The following DPP6 variants were observed in gnomAD, a reference collection of about 807,000 sequenced individuals.
DPP6 encodes the protein dipeptidyl peptidase like 6.
A neutral mutation model predicts 122.6 loss-of-function variants in DPP6; 69 were observed. The observed-to-expected ratio is 0.56, with a 90% CI of 0.46 to 0.69. The LOEUF is 0.69. DPP6 is among the 30% of genes least tolerant of loss of function. The probability of loss-of-function intolerance (pLI) is 0.00; values close to 1 mark genes in which losing one functional copy is unlikely to be tolerated. For synonymous variants in DPP6, 418 were observed against 433.1 expected, an observed-to-expected ratio of 0.97 and a Z score of 0.43; for missense variants, 928 against 1,116.9, an observed-to-expected ratio of 0.83 and a Z score of 2.41.
At chr7:154,889,867 T>C in intron 25 of DPP6, 1 of 306,890 alleles carries the variant, frequency 3.3e-6, no homozygotes, top group East Asian at 7.6e-5. Context: ...GCTATCCCGC[T>C]GCGGAGAGTG....
intron 1 of DPP6, among the ~76,000 whole-genome samples, chr7:154,044,391 A>G (rs1459551180): frequency 6.6e-6 from 1 of 152,128 alleles, no homozygotes; most frequent in East Asian, 1.9e-4. Flanking sequence ...TCCTAATGCA[A>G]TTTGTTTTCA....
intron 1 of DPP6, among the ~76,000 whole-genome samples, chr7:154,222,263 G>C (rs191229306): frequency 8.8e-4 from 134 of 152,298 alleles, no homozygotes; most frequent in African/African-American, 3.1e-3. Flanking sequence ...CACCGCCTCT[G>C]TGCTTTCTCT....
intron 3 of DPP6, among the ~76,000 whole-genome samples, chr7:154,495,062 C>T (rs188954725): frequency 3.9e-5 from 6 of 152,134 alleles, no homozygotes; most frequent in Admixed American, 6.6e-5. Flanking sequence ...CATGTAGAGG[C>T]GTCTGGTATG....
At chr7:154,484,457 A>G (rs1823614211) in intron 3 of DPP6, among the ~76,000 whole-genome samples, 1 of 152,210 alleles carries the variant, frequency 6.6e-6, no homozygotes, top group Admixed American at 6.5e-5. Context: ...AGCCTCCTGC[A>G]TCCTTCAAGG....
In DPP6 at chr7:154,568,416, C is replaced by T. The variant is rs957630553; in HGVS notation, c.627+1500C>T. ...AGAATCTTTAATCATCGGAGCACCC[C>T]GACAGTGGGATGGAGGTAATGAGCA... On this transcript the variant is annotated intron_variant, in intron 5 of 25. Coordinates refer to ENST00000377770, the MANE Select transcript of DPP6 (RefSeq NM_130797.4). 5.3e-5 allele frequency among the ~76,000 whole-genome samples: 8 copies of T among 152,178 alleles called. No homozygotes were observed. The East Asian group carries it at 9.6e-4, about 18-fold the overall frequency.
In DPP6 at chr7:154,398,376, C is replaced by T. The variant is rs542719684; in HGVS notation, c.244-47838C>T. On this transcript the variant is annotated intron_variant, in intron 1 of 25. Transcript: ENST00000377770. ...CTTAACTCTAAGCATTAGCATGCTA[C>T]ACCATCACACTGCCAGATTTACCTT... Among the ~76,000 whole-genome samples, 13 of 152,294 alleles carry T rather than the reference C, an allele frequency of 8.5e-5. No homozygotes were observed. In the South Asian group the frequency reaches 2.7e-3, roughly 32 times the overall value.
intron 1 of DPP6, chr7:154,305,437 C>A: frequency 7.5e-7 from 1 of 1,333,420 alleles, no homozygotes; most frequent in Admixed American, 2.3e-5. Flanking sequence ...ACTCTGGTGG[C>A]TCCCAACTCG....
chr7:154,524,899 T>A (rs183837185), intron 3 of DPP6, among the ~76,000 whole-genome samples: 1 of 152,284 alleles, frequency 6.6e-6, no homozygotes, highest in East Asian at 1.9e-4. Flanking sequence ...GTAAGATATT[T>A]TAGATTTATA....
chr7:154,875,473 T>C lies in DPP6; in HGVS notation c.1884-433T>C, dbSNP rs1477532699. Among the ~76,000 whole-genome samples the C allele has an allele frequency of 6.6e-6, 1 of 152,172 alleles. No individual in the cohort carries two copies. The highest frequency in any genetic ancestry group is 2.4e-5 in the African/African-American group (1 of 41,438). On this transcript the variant is annotated intron_variant, in intron 19 of 25. Coordinates refer to ENST00000377770, the MANE Select transcript of DPP6 (RefSeq NM_130797.4). This position sits in a 1 kb window ranked among gnomAD's most constrained non-coding sequence, Gnocchi z 4.5. ...AGACCACGTCTTCAAGCCAGGGATG[T>C]GGCTAGAGTCAGCGCGGCCTTGTCA... is the stretch of plus-strand genomic sequence containing the variant.
intron 1 of DPP6, among the ~76,000 whole-genome samples, chr7:154,438,945 C>T (rs1217825956): frequency 6.6e-6 from 1 of 152,118 alleles, no homozygotes; most frequent in Non-Finnish European, 1.5e-5. Flanking sequence ...GCTTCCAGGG[C>T]CCATGGGTGG....
At position 154,605,748 on chromosome 7, in the gene DPP6, C is replaced by T. The variant is rs1038842202; in HGVS notation, c.628-32073C>T. Among the ~76,000 whole-genome samples the T allele has an allele frequency of 7.6e-5, 9 of 119,168 alleles. 3 individuals carry two copies. In the East Asian group the frequency reaches 3.2e-3, roughly 43 times the overall value. 78.2% of individuals were successfully genotyped at this position (119,168 alleles called of 152,430 possible). On this transcript the variant is annotated intron_variant, in intron 5 of 25. Coordinates refer to ENST00000377770, the MANE Select transcript of DPP6 (RefSeq NM_130797.4). Reference sequence around the variant, plus strand: ...TGATTCCTTCTTTCTGCTATCTTTGCATTTAATCTATTTTTAAATTTTTAA... The same window carrying T: ...TGATTCCTTCTTTCTGCTATCTTTGTATTTAATCTATTTTTAAATTTTTAA...
At chr7:154,832,200 A>G (rs1464913) in intron 16 of DPP6, among the ~76,000 whole-genome samples, 122,473 of 151,988 alleles carry the variant, frequency 0.81, 49,596 homozygotes, top group East Asian at 0.99. Flanking sequence ...TGGGTGCTTG[A>G]GATCGATGCT....
chr7:154,868,179 CT>C, intron 18 of DPP6, 86 bp downstream of exon 18: 1 of 1,503,110 alleles, frequency 6.7e-7, no homozygotes, highest in South Asian at 1.3e-5. Context: ...AGCAGGTGCC[CT>C]GCAAGGAAGA....
the DPP6 span, among the ~76,000 whole-genome samples, chr7:153,783,669 A>C: frequency 2.0e-5 from 3 of 152,234 alleles, no homozygotes; most frequent in African/African-American, 7.2e-5. Context: ...TTAAAATGAC[A>C]ATAAAAACTT....
rs1250747822 is a variant in DPP6, at chr7:154,753,758, T to C, written c.884-15659T>C. 5.3e-5 allele frequency among the ~76,000 whole-genome samples: 8 copies of C among 152,268 alleles called. No homozygotes were observed. In the East Asian group the frequency reaches 1.5e-3, roughly 29 times the overall value. On this transcript the variant is annotated intron_variant, in intron 8 of 25. Transcript: ENST00000377770. Reference sequence around the variant, plus strand: ...GTGGCTCAGCCCTGAGCCCAGGGTTTTGCCCAGCCGCCTTCCGTCTAGGCT... The same window carrying C: ...GTGGCTCAGCCCTGAGCCCAGGGTTCTGCCCAGCCGCCTTCCGTCTAGGCT...
At chr7:154,450,525 C>T (rs1035717360) in intron 2 of DPP6, among the ~76,000 whole-genome samples, 1 of 150,302 alleles carries the variant, frequency 6.7e-6, no homozygotes, top group South Asian at 2.1e-4. Context: ...ACTAAATTGC[C>T]TTAAAAACTT....
At chr7:153,956,657 G>A (rs921926083) in intron 1 of DPP6, among the ~76,000 whole-genome samples, 7 of 152,166 alleles carry the variant, frequency 4.6e-5, no homozygotes, top group African/African-American at 1.4e-4. Context: ...GCTGCTAAGA[G>A]GACCAGTCTT....
chr7:153,844,326 A>G, the DPP6 span, among the ~76,000 whole-genome samples: 1 of 152,178 alleles, frequency 6.6e-6, no homozygotes, highest in Non-Finnish European at 1.5e-5. Flanking sequence ...GCTGATCCTG[A>G]TTGGATTGAA....
chr7:153,818,474 T>G, the DPP6 span, among the ~76,000 whole-genome samples: 6 of 151,974 alleles, frequency 3.9e-5, no homozygotes, highest in African/African-American at 1.2e-4. Context: ...GATAATAAAT[T>G]GTAGGATGAT....
Sources: gnomAD v4.1 joint callset for allele counts (sites outside exome capture counted in the v4.1 genomes callset) on GRCh38, gnomAD v4.1.1 for gene constraint, Gnocchi (gnomAD v3.1) non-coding constraint, MANE v1.5 for transcripts, NCBI Gene and HGNC (gene_info 2026-07-23, HGNC 2026-07-21) for gene names.